Variants in DPP10 observed in about 807,000 individuals in gnomAD.
DPP10 encodes the protein dipeptidyl peptidase like 10.
In DPP10, 33 loss-of-function variants were observed where a neutral mutation model predicts 120.9. The ratio of observed to expected loss-of-function variants is 0.27; its 90% confidence interval spans 0.21 to 0.37. The LOEUF (loss-of-function observed/expected upper bound fraction) is 0.37. Among genes scored for constraint, DPP10 ranks in the 10% least tolerant of loss-of-function variants. DPP10 has a pLI of 1.00. For missense variants in DPP10, 816 were observed against 942.8 expected (o/e 0.87, Z 1.76); for synonymous variants, 337 against 326.1 (o/e 1.03, Z -0.36).
intron 1 of DPP10, among the ~76,000 whole-genome samples, chr2:115,224,235 A>G (rs2057322594): frequency 6.6e-6 from 1 of 152,110 alleles, no homozygotes; most frequent in Admixed American, 6.6e-5. Flanking sequence ...GGCTTTCCTG[A>G]AATCTGAAGG....
chr2:115,480,247 T>C (rs1015808880), intron 3 of DPP10, among the ~76,000 whole-genome samples: 1 of 152,160 alleles, frequency 6.6e-6, no homozygotes, highest in African/African-American at 2.4e-5. Context: ...TATGTAAATA[T>C]AATAATTTTG....
chr2:114,961,803 A>T (rs1052725382), intron 1 of DPP10, among the ~76,000 whole-genome samples: 2 of 152,024 alleles, frequency 1.3e-5, no homozygotes, highest in South Asian at 4.1e-4. Flanking sequence ...AAAATACAAA[A>T]ATTAGCCGGG....
chr2:115,228,399 ATAGAT>A (rs1217472215), intron 1 of DPP10, among the ~76,000 whole-genome samples: 1 of 151,980 alleles, frequency 6.6e-6, no homozygotes, highest in African/African-American at 2.4e-5. Context: ...AAAATATAGA[ATAGAT>A]TATTGTTACT....
chr2:115,220,905 ATATT>A (rs1285963704), intron 1 of DPP10, among the ~76,000 whole-genome samples: 1 of 148,980 alleles, frequency 6.7e-6, no homozygotes, highest in Non-Finnish European at 1.5e-5. Context: ...TTCATATATC[ATATT>A]TATTTTTATA....
intron 1 of DPP10, among the ~76,000 whole-genome samples, chr2:114,854,052 G>A (rs2106499891): frequency 6.6e-6 from 1 of 152,288 alleles, no homozygotes; most frequent in East Asian, 1.9e-4. Context: ...CAACTATCAA[G>A]TTTTGGGATA....
chr2:115,263,043 AC>A (rs1377587526), intron 1 of DPP10, among the ~76,000 whole-genome samples: 1 of 152,124 alleles, frequency 6.6e-6, no homozygotes, highest in Non-Finnish European at 1.5e-5. Flanking sequence ...AGCAATTCTT[AC>A]CCTGAGTCTG....
intron 1 of DPP10, among the ~76,000 whole-genome samples, chr2:114,664,392 G>A (rs896120497): frequency 1.3e-5 from 2 of 151,978 alleles, no homozygotes; most frequent in African/African-American, 4.8e-5. Flanking sequence ...ACTTTGGGAG[G>A]CCGAGGCGGA....
chr2:114,745,066 C>T (rs1222115575), intron 1 of DPP10, among the ~76,000 whole-genome samples: 9 of 152,266 alleles, frequency 5.9e-5, no homozygotes, highest in African/African-American at 2.2e-4. Flanking sequence ...GGCCACAATG[C>T]CTGCAATATT....
chr2:115,298,612 A>C (rs913149649), intron 1 of DPP10, among the ~76,000 whole-genome samples: 4 of 151,982 alleles, frequency 2.6e-5, no homozygotes, highest in Non-Finnish European at 5.9e-5. Flanking sequence ...ATATAAACTC[A>C]GGGGTGAAGC....
intron 1 of DPP10, among the ~76,000 whole-genome samples, chr2:115,101,115 G>C (rs2048673360): frequency 6.6e-6 from 1 of 152,112 alleles, no homozygotes; most frequent in African/African-American, 2.4e-5. Context: ...ATGTGCTGTG[G>C]GAGGGATTTT....
At chr2:114,476,537 C>G (rs116956679) in intron 1 of DPP10, among the ~76,000 whole-genome samples, 4 of 152,212 alleles carry the variant, frequency 2.6e-5, no homozygotes, top group East Asian at 3.9e-4. Flanking sequence ...TATGGTGGCT[C>G]TTTTTGAGAA....
intron 5 of DPP10, among the ~76,000 whole-genome samples, chr2:115,664,110 T>G (rs1351332979): frequency 6.6e-6 from 1 of 152,006 alleles, no homozygotes; most frequent in Non-Finnish European, 1.5e-5. Flanking sequence ...GTAAGTCATT[T>G]CATTTTACTA....
At chr2:114,656,066 T>G (rs754429228) in intron 1 of DPP10, among the ~76,000 whole-genome samples, 3 of 152,186 alleles carry the variant, frequency 2.0e-5, no homozygotes, top group Non-Finnish European at 4.4e-5. Flanking sequence ...TAATTAGTTA[T>G]GTTGAGATTC....
chr2:115,774,835 A>G (rs1024338828), intron 13 of DPP10, among the ~76,000 whole-genome samples: 1 of 152,152 alleles, frequency 6.6e-6, no homozygotes, highest in Non-Finnish European at 1.5e-5. Context: ...TTTAGTTTAC[A>G]CTTTCAGTTG....
At chr2:115,352,813 T>G (rs981340309) in intron 3 of DPP10, among the ~76,000 whole-genome samples, 18 of 152,204 alleles carry the variant, frequency 1.2e-4, no homozygotes, top group Admixed American at 2.6e-4. Context: ...TACGATGAAG[T>G]TTTATTAACC....
chr2:115,631,290 G>A (rs1328674463), intron 5 of DPP10, among the ~76,000 whole-genome samples: 1 of 151,758 alleles, frequency 6.6e-6, no homozygotes, highest in Non-Finnish European at 1.5e-5. Context: ...ATTTTTTATT[G>A]TGTCTATATG....
intron 3 of DPP10, among the ~76,000 whole-genome samples, chr2:115,439,465 A>T (rs568670514): frequency 1.3e-5 from 2 of 152,252 alleles, no homozygotes; most frequent in Non-Finnish European, 2.9e-5. Context: ...GGTTAAAATG[A>T]TCATTTTATG....
intron 19 of DPP10, among the ~76,000 whole-genome samples, chr2:115,802,479 A>G (rs1685380516): frequency 6.6e-6 from 1 of 151,782 alleles, no homozygotes; most frequent in African/African-American, 2.4e-5. Flanking sequence ...CTAGCTTTTG[A>G]ATGTGTTTGC....
At chr2:114,494,881 G>A (rs1204681336) in intron 1 of DPP10, among the ~76,000 whole-genome samples, 1 of 152,158 alleles carries the variant, frequency 6.6e-6, no homozygotes, top group Non-Finnish European at 1.5e-5. Flanking sequence ...TGAAAGAAAA[G>A]CCTTCTCTTT....
Sources: gnomAD v4.1 joint callset for allele counts (sites outside exome capture counted in the v4.1 genomes callset) on GRCh38, gnomAD v4.1.1 for gene constraint, MANE v1.5 for transcripts, NCBI Gene and HGNC (gene_info 2026-07-23, HGNC 2026-07-21) for gene names.